RSRC1: variants seen among roughly 807,000 people sequenced by gnomAD.
RSRC1 encodes the protein arginine and serine rich coiled-coil 1, also known as serine/Arginine-related protein 53.
RSRC1 carries 39 observed loss-of-function variants against 49.1 expected under a neutral mutation model. The ratio of observed to expected loss-of-function variants is 0.79; its 90% CI spans 0.61 to 1.04. RSRC1 has a LOEUF of 1.04. Ranked by LOEUF, RSRC1 falls within the 50% of genes least tolerant of loss-of-function variation. The pLI, the probability that RSRC1 is intolerant of heterozygous loss-of-function variation, is 0.00. For missense variants in RSRC1, 388 were observed against 402.4 expected, an observed-to-expected ratio of 0.96 and a Z score of 0.31; for synonymous variants, 143 against 130.8, an observed-to-expected ratio of 1.09 and a Z score of -0.63.
intron 3 of RSRC1, among the ~76,000 whole-genome samples, chr3:158,185,753 C>G (rs1156616408): frequency 1.3e-5 from 2 of 151,732 alleles, no homozygotes; most frequent in African/African-American, 4.8e-5. Flanking sequence ...AATTTAAATG[C>G]CTTTATTTAA....
At chr3:158,319,049 T>C (rs907518082) in intron 5 of RSRC1, among the ~76,000 whole-genome samples, 4 of 152,166 alleles carry the variant, frequency 2.6e-5, no homozygotes, top group Non-Finnish European at 1.5e-5. Flanking sequence ...ATATCTACTT[T>C]AACTTAGTCT....
At chr3:158,180,419 CGTGTGTGTGTGT>C (rs374155981) in intron 3 of RSRC1, among the ~76,000 whole-genome samples, 1 of 40,776 alleles carries the variant, frequency 2.5e-5, no homozygotes, top group Non-Finnish European at 3.9e-5. Context: ...TTTTTTTTGC[CGTGTGTGTGTGT>C]GTGTGTGTGT....
At chr3:158,436,783 G>A (rs1226672396) in intron 6 of RSRC1, among the ~76,000 whole-genome samples, 2 of 151,818 alleles carry the variant, frequency 1.3e-5, no homozygotes, top group East Asian at 1.9e-4. Flanking sequence ...GCTACCCTGG[G>A]CTATAATACT....
At chr3:158,237,581 A>G (rs1723312312) in intron 4 of RSRC1, among the ~76,000 whole-genome samples, 1 of 152,218 alleles carries the variant, frequency 6.6e-6, no homozygotes, top group African/African-American at 2.4e-5. Flanking sequence ...CTGACAACTA[A>G]TGATGTTAAA....
At chr3:158,332,251 T>C (rs994664995) in intron 5 of RSRC1, among the ~76,000 whole-genome samples, 1 of 152,158 alleles carries the variant, frequency 6.6e-6, no homozygotes, top group African/African-American at 2.4e-5. Context: ...TTTTGGACTT[T>C]CCTGAAGTAG....
intron 3 of RSRC1, among the ~76,000 whole-genome samples, chr3:158,137,739 C>T (rs957750588): frequency 4.6e-5 from 7 of 151,512 alleles, no homozygotes; most frequent in South Asian, 4.2e-4. Context: ...CTGCGACCTC[C>T]GCCTCCTGGG....
chr3:158,321,974 TA>T (rs1728788864), intron 5 of RSRC1, among the ~76,000 whole-genome samples: 1 of 148,400 alleles, frequency 6.7e-6, no homozygotes, highest in East Asian at 2.0e-4. Context: ...TTTTAACACC[TA>T]CACACACACA....
At chr3:158,258,024 T>G (rs1724670288) in intron 4 of RSRC1, among the ~76,000 whole-genome samples, 1 of 152,078 alleles carries the variant, frequency 6.6e-6, no homozygotes, top group African/African-American at 2.4e-5. Context: ...GTTGTTAGTA[T>G]TTTTGATAGG....
chr3:158,230,671 T>A (rs1366825059), intron 4 of RSRC1, among the ~76,000 whole-genome samples: 1 of 152,160 alleles, frequency 6.6e-6, no homozygotes, highest in Non-Finnish European at 1.5e-5. Flanking sequence ...GTTGTTATGA[T>A]ACAGAATTAT....
intron 3 of RSRC1, among the ~76,000 whole-genome samples, chr3:158,155,176 G>T (rs1717786394): frequency 6.6e-6 from 1 of 152,172 alleles, no homozygotes; most frequent in South Asian, 2.1e-4. Flanking sequence ...GTTCTTAATG[G>T]CATCTAGAAT....
rs750707239 is a variant in RSRC1, at chr3:158,544,199, C to T, written c.929C>T (p.Ala310Val). ...TTATTTCAGTTATTTATCGAGAAAG[C>T]TGATGCTGAGGAAAAATGGTTCAAG... is the stretch of plus-strand genomic sequence containing the variant. ...LAHPNLFIEK[A>V]DAEEKWFKRL... Residue 310 changes from alanine to valine, a missense_variant, in exon 10 of 10, where the codon GCT becomes GTT. By Grantham distance (64) the Ala-to-Val change is moderately conservative. Transcript: ENST00000611884. The T allele has an allele frequency of 1.2e-5, 20 of 1,611,162 alleles. No individual in the cohort carries two copies. The South Asian group carries it at 2.2e-4, about 18-fold the overall frequency.
intron 5 of RSRC1, among the ~76,000 whole-genome samples, chr3:158,312,426 C>A (rs1728183941): frequency 6.6e-6 from 1 of 152,002 alleles, no homozygotes; most frequent in African/African-American, 2.4e-5. Flanking sequence ...AATGATGAAC[C>A]AGATCAGGAG....
intron 3 of RSRC1, among the ~76,000 whole-genome samples, chr3:158,144,390 T>C (rs1716944655): frequency 6.6e-6 from 1 of 152,168 alleles, no homozygotes; most frequent in African/African-American, 2.4e-5. Context: ...CAGTGTTTGG[T>C]TTTTTGTCCT....
At chr3:158,189,498 GTCA>G (rs1190689319) in intron 3 of RSRC1, among the ~76,000 whole-genome samples, 1 of 151,768 alleles carries the variant, frequency 6.6e-6, no homozygotes, top group Non-Finnish European at 1.5e-5. Context: ...GATTACCCTT[GTCA>G]TCATGAACTG....
In RSRC1 at chr3:158,223,328, G is replaced by C. The variant is rs973893847; in HGVS notation, c.494+20083G>C. On this transcript the variant is annotated intron_variant, in intron 4 of 9. Transcript: ENST00000611884. The stretch of plus-strand genomic sequence containing the variant: ...TTTCAGACTCTGTAGGTTAGGTTCA[G>C]GAAACTTTTTCTGTAAAGGGCCAGA... 3.3e-5 allele frequency among the ~76,000 whole-genome samples: 5 copies of C among 151,596 alleles called. No individual in the cohort carries two copies. In the Admixed American group the frequency reaches 3.3e-4, roughly 10 times the overall value.
At chr3:158,237,840 AT>A (rs1351321616) in intron 4 of RSRC1, among the ~76,000 whole-genome samples, 1 of 152,090 alleles carries the variant, frequency 6.6e-6, no homozygotes, top group Non-Finnish European at 1.5e-5. Context: ...TTCCAACACT[AT>A]GTTGAATAGG....
In RSRC1 at chr3:158,240,553, A is replaced by G. The variant is rs547449756; in HGVS notation, c.494+37308A>G. ...TTTATTTACTTAATGATTTTTAACAATCTTCCTGGGTGAGATTTACGCGTA... is the reference window on the plus strand; with the variant it reads ...TTTATTTACTTAATGATTTTTAACAGTCTTCCTGGGTGAGATTTACGCGTA... On this transcript the variant is annotated intron_variant, in intron 4 of 9. Coordinates refer to ENST00000611884, the MANE Select transcript of RSRC1 (RefSeq NM_001271838.2). Among the ~76,000 whole-genome samples, 4 of 152,240 alleles carry G rather than the reference A, an allele frequency of 2.6e-5. No homozygotes were observed. In the East Asian group the frequency reaches 5.8e-4, roughly 22 times the overall value.
At chr3:158,437,960 TTCAGCAAAG>T (rs1334176098) in intron 6 of RSRC1, among the ~76,000 whole-genome samples, 2 of 152,176 alleles carry the variant, frequency 1.3e-5, no homozygotes, top group Admixed American at 6.6e-5. Context: ...GATAAACAAC[TTCAGCAAAG>T]TCTCAGGATA....
At chr3:158,331,848 G>T (rs1406289292) in intron 5 of RSRC1, among the ~76,000 whole-genome samples, 2 of 148,204 alleles carry the variant, frequency 1.3e-5, no homozygotes. Context: ...AGTATAAGTG[G>T]GTGTTAATCA....
Sources: allele counts gnomAD v4.1 joint callset (sites outside exome capture counted in the v4.1 genomes callset), GRCh38; gene constraint gnomAD v4.1.1; transcripts MANE v1.5; gene names NCBI Gene and HGNC (gene_info 2026-07-23, HGNC 2026-07-21).